The following SGCZ variants were observed in gnomAD, a reference collection of about 807,000 sequenced individuals.
The protein encoded by SGCZ is zeta-sarcoglycan.
Under a neutral mutation model 41.3 loss-of-function variants are expected in SGCZ, and 40 were observed. The observed-to-expected ratio is 0.97, with a 90% CI of 0.75 to 1.26. The LOEUF (loss-of-function observed/expected upper bound fraction) is 1.26, where lower values mean the gene tolerates loss of function less well. SGCZ is among the 50% of genes most tolerant of loss of function. The pLI, the probability that SGCZ is intolerant of heterozygous loss-of-function variation, is 0.00. For synonymous variants in SGCZ, 206 were observed against 137.5 expected (o/e 1.50, Z -3.49); for missense variants, 552 against 369.8 (o/e 1.49, Z -4.04).
At chr8:14,264,689 C>T (rs952827343) in intron 3 of SGCZ, among the ~76,000 whole-genome samples, 58 of 152,164 alleles carry the variant, frequency 3.8e-4, no homozygotes, top group African/African-American at 1.0e-3. Flanking sequence ...TTGCCGGGAG[C>T]GGAGTCTCAC....
At chr8:14,780,543 T>C (rs368169911) in intron 1 of SGCZ, among the ~76,000 whole-genome samples, 2 of 152,106 alleles carry the variant, frequency 1.3e-5, no homozygotes, top group East Asian at 3.8e-4. Context: ...GCAGACACTT[T>C]CAGGAGAACG....
At chr8:15,190,835 T>C (rs1171556686) in intron 1 of SGCZ, among the ~76,000 whole-genome samples, 2 of 152,154 alleles carry the variant, frequency 1.3e-5, no homozygotes, top group East Asian at 3.9e-4. Context: ...CCAAAACTGG[T>C]TTGTAGCAGC....
At position 14,867,853 on chromosome 8, in the gene SGCZ, C is replaced by A. The variant is rs368889856; in HGVS notation, c.40-312927G>T. ...CTGGGTGATGAAATAATCTGTACAA[C>A]AAACCCCCATGACACAGGTTTACCT... On this transcript the variant is annotated intron_variant, in intron 1 of 7. Coordinates refer to ENST00000382080, the MANE Select transcript of SGCZ (RefSeq NM_139167.4). Among the ~76,000 whole-genome samples, 5 of 150,888 alleles carry A rather than the reference C, an allele frequency of 3.3e-5. No individual in the cohort carries two copies. The East Asian group carries it at 7.8e-4, about 24-fold the overall frequency.
intron 2 of SGCZ, among the ~76,000 whole-genome samples, chr8:14,354,251 T>C (rs548262799): frequency 1.3e-5 from 2 of 152,108 alleles, no homozygotes; most frequent in South Asian, 2.1e-4. Flanking sequence ...TAAATATTCA[T>C]TGAATGACTG....
At chr8:14,543,421 C>A (rs1803529093) in intron 2 of SGCZ, among the ~76,000 whole-genome samples, 1 of 146,640 alleles carries the variant, frequency 6.8e-6, no homozygotes, top group Non-Finnish European at 1.5e-5. Context: ...TCACTAAAAT[C>A]ATTATTACAT....
intron 1 of SGCZ, among the ~76,000 whole-genome samples, chr8:15,159,106 A>C (rs1799421255): frequency 6.6e-6 from 1 of 152,148 alleles, no homozygotes; most frequent in Non-Finnish European, 1.5e-5. Flanking sequence ...AGGGGGCCTA[A>C]GGTCAAGTTG....
At chr8:15,211,900 T>C (rs570736153) in intron 1 of SGCZ, among the ~76,000 whole-genome samples, 1 of 152,264 alleles carries the variant, frequency 6.6e-6, no homozygotes, top group East Asian at 1.9e-4. Context: ...TAGGGTTCAC[T>C]TTTGGAATAA....
chr8:14,798,345 T>A (rs913684189), intron 1 of SGCZ, among the ~76,000 whole-genome samples: 5 of 152,206 alleles, frequency 3.3e-5, no homozygotes, highest in African/African-American at 1.2e-4. Flanking sequence ...ATTTTACAAT[T>A]CATCTTCTTG....
chr8:15,160,620 G>C (rs1799483839), intron 1 of SGCZ, among the ~76,000 whole-genome samples: 1 of 152,020 alleles, frequency 6.6e-6, no homozygotes, highest in African/African-American at 2.4e-5. Flanking sequence ...ATTTTTCTAG[G>C]CTTTGTAGAA....
intron 3 of SGCZ, among the ~76,000 whole-genome samples, chr8:14,278,852 G>A (rs1270241129): frequency 6.6e-6 from 1 of 152,006 alleles, no homozygotes; most frequent in Non-Finnish European, 1.5e-5. Flanking sequence ...AACACGCACA[G>A]AAACATGAGA....
intron 5 of SGCZ, among the ~76,000 whole-genome samples, chr8:14,137,409 C>T (rs1307128955): frequency 6.6e-5 from 10 of 152,134 alleles, no homozygotes; most frequent in Admixed American, 5.2e-4. Context: ...TCAAACCCAT[C>T]ACAAAGAAGC....
At chr8:14,563,214 G>T (rs1324211155) in intron 1 of SGCZ, among the ~76,000 whole-genome samples, 1 of 152,078 alleles carries the variant, frequency 6.6e-6, no homozygotes. Flanking sequence ...TGAGATTTAG[G>T]ATACCTGCAA....
chr8:14,287,904 G>C (rs1021797673), intron 3 of SGCZ, among the ~76,000 whole-genome samples: 12 of 152,084 alleles, frequency 7.9e-5, no homozygotes, highest in African/African-American at 2.9e-4. Flanking sequence ...CTGAGAATTT[G>C]ATGATGTATT....
intron 2 of SGCZ, among the ~76,000 whole-genome samples, chr8:14,423,119 G>C (rs2117311570): frequency 6.6e-6 from 1 of 151,760 alleles, no homozygotes; most frequent in South Asian, 2.1e-4. Context: ...TGGCAGTGTT[G>C]TGTGCTCCAG....
chr8:14,238,972 T>C lies in SGCZ; in HGVS notation c.337-1293A>G, dbSNP rs550520270. 1.8e-4 allele frequency among the ~76,000 whole-genome samples: 27 copies of C among 151,746 alleles called. No individual in the cohort carries two copies. The South Asian group carries it at 5.4e-3, about 30-fold the overall frequency. ...TTGGTGATTTGGAGATATATATGTA[T>C]ATATATAAAAATTCATATAAAATTT... On this transcript the variant is annotated intron_variant, in intron 3 of 7. Transcript: ENST00000382080.
intron 1 of SGCZ, among the ~76,000 whole-genome samples, chr8:14,844,840 G>C (rs1307702508): frequency 2.6e-5 from 4 of 152,174 alleles, no homozygotes; most frequent in Admixed American, 2.6e-4. Context: ...ATAGGACAGT[G>C]ACCTCTGAAA....
Position 14,941,518 on chromosome 8 carries a change from C to T in SGCZ, c.39+296067G>A, listed in dbSNP as rs541302558. On this transcript the variant is annotated intron_variant, in intron 1 of 7. Coordinates refer to ENST00000382080, the MANE Select transcript of SGCZ (RefSeq NM_139167.4). ...TATGTTTATATTTTCATAACAGCCT[C>T]TTAATCCCCTACACAATATGTAGGA... 3.4e-4 allele frequency among the ~76,000 whole-genome samples: 52 copies of T among 152,178 alleles called. No homozygotes were observed. The South Asian group carries it at 5.6e-3, about 16-fold the overall frequency.
chr8:14,531,532 A>G (rs2117126364), intron 2 of SGCZ, among the ~76,000 whole-genome samples: 1 of 152,156 alleles, frequency 6.6e-6, no homozygotes, highest in South Asian at 2.1e-4. Flanking sequence ...CAAAGGAAAG[A>G]CGCGAGATTT....
intron 1 of SGCZ, among the ~76,000 whole-genome samples, chr8:15,110,711 G>C (rs553544040): frequency 2.0e-5 from 3 of 152,296 alleles, no homozygotes; most frequent in African/African-American, 7.2e-5. Context: ...GCTCACTCCT[G>C]TAATCCCAGC....
Sources: allele counts gnomAD v4.1 joint callset (sites outside exome capture counted in the v4.1 genomes callset), GRCh38; gene constraint gnomAD v4.1.1; transcripts MANE v1.5; gene names NCBI Gene and HGNC (gene_info 2026-07-23, HGNC 2026-07-21).